LCMT1: variants seen among roughly 807,000 people sequenced by gnomAD.
The protein encoded by LCMT1 is leucine carboxyl methyltransferase 1.
Under a neutral mutation model 47.7 loss-of-function variants are expected in LCMT1, and 32 were observed. The ratio of observed to expected loss-of-function variants is 0.67; its 90% CI spans 0.51 to 0.90. LCMT1 has a LOEUF of 0.90. Among genes scored for constraint, LCMT1 ranks in the 40% least tolerant of loss-of-function variants. LCMT1 has a pLI of 0.00. For synonymous variants in LCMT1, 152 were observed against 149.7 expected (o/e 1.02, Z -0.11); for missense variants, 375 against 415.2 (o/e 0.90, Z 0.84).
intron 1 of LCMT1, among the ~76,000 whole-genome samples, chr16:25,121,421 A>C (rs1332365672): frequency 6.6e-6 from 1 of 152,172 alleles, no homozygotes; most frequent in African/African-American, 2.4e-5. Flanking sequence ...AAGAAAAAGA[A>C]AAAGATATCA....
At chr16:25,176,407 T>C (rs1961940082) in intron 10 of LCMT1, among the ~76,000 whole-genome samples, 1 of 152,078 alleles carries the variant, frequency 6.6e-6, no homozygotes, top group Non-Finnish European at 1.5e-5. Flanking sequence ...CCATTCCCTA[T>C]GCAAAAATTC....
intron 9 of LCMT1, 95 bp downstream of exon 9, chr16:25,170,900 G>A: frequency 6.1e-6 from 5 of 824,938 alleles, no homozygotes; most frequent in Non-Finnish European, 9.6e-6. Flanking sequence ...AGAACAATAT[G>A]TGGAGATTTC....
At chr16:25,153,006 T>A (rs1415852831) in intron 5 of LCMT1, among the ~76,000 whole-genome samples, 1 of 152,050 alleles carries the variant, frequency 6.6e-6, no homozygotes, top group African/African-American at 2.4e-5. Flanking sequence ...CCTTCACCAG[T>A]AGTCAGCACA....
intron 3 of LCMT1, among the ~76,000 whole-genome samples, chr16:25,139,517 G>GA (rs997940088): frequency 4.0e-4 from 58 of 145,712 alleles, no homozygotes; most frequent in African/African-American, 1.2e-3. Context: ...CTCAAAAAAA[G>GA]AAAAAAAAAA....
rs750991801 is a variant in LCMT1 at position 25,123,223 on chromosome 16, C to CTTT, written c.114-5235_114-5233dup. 4.3e-3 allele frequency among the ~76,000 whole-genome samples: 503 copies of CTTT among 116,164 alleles called. 15 individuals carry two copies. The highest frequency in any genetic ancestry group is 0.011 in the African/African-American group (340 of 30,276). The allele number at this position is 116,164 out of a possible 152,430, so 76.2% of individuals were successfully genotyped here. A position where few individuals can be genotyped will look rare whatever the true frequency, so the allele number is the denominator to read the frequency against. On this transcript the variant is annotated intron_variant, in intron 1 of 10. Coordinates refer to ENST00000399069, the MANE Select transcript of LCMT1 (RefSeq NM_016309.3). ...ACAACACTTGTATTATATATAACTT[C>CTTT]TTTTTTTTTTTTTTTTTTTGTGACA...
intron 7 of LCMT1, among the ~76,000 whole-genome samples, chr16:25,166,639 T>C (rs1961600070): frequency 6.6e-6 from 1 of 152,110 alleles, no homozygotes; most frequent in Non-Finnish European, 1.5e-5. Context: ...TTTTTAAATC[T>C]CCTTTTCTTT....
rs376258035 is a variant in LCMT1, at chr16:25,166,319, T to C, written c.690+1601T>C. Among the ~76,000 whole-genome samples, 8 of 151,656 alleles carry C rather than the reference T, an allele frequency of 5.3e-5. No individual in the cohort carries two copies. The East Asian group carries it at 1.2e-3, about 22-fold the overall frequency. ...GAAATACCCACTCTCCAGATTATTA[T>C]GGGGATTCCTGAGATGATGGTCAGT... On this transcript the variant is annotated intron_variant, in intron 7 of 10. Coordinates refer to ENST00000399069, the MANE Select transcript of LCMT1 (RefSeq NM_016309.3).
intron 5 of LCMT1, 117 bp downstream of exon 5, chr16:25,151,732 CAATGTA>C: frequency 1.3e-5 from 3 of 227,956 alleles, no homozygotes; most frequent in South Asian, 1.9e-4. Context: ...TGGTGTTATA[CAATGTA>C]TTGTCAACTG....
At chr16:25,155,578 G>C (rs1167970035) in intron 5 of LCMT1, among the ~76,000 whole-genome samples, 1 of 151,882 alleles carries the variant, frequency 6.6e-6, no homozygotes, top group African/African-American at 2.4e-5. Context: ...ATTGGGTTCT[G>C]TTACCTCCTT....
At chr16:25,130,156 C>T (rs1018137751) in intron 2 of LCMT1, among the ~76,000 whole-genome samples, 10 of 151,792 alleles carry the variant, frequency 6.6e-5, no homozygotes, top group African/African-American at 2.2e-4. Flanking sequence ...CTGGCTAACA[C>T]GGTGAAACCC....
chr16:25,177,873 A>G lies in LCMT1; in HGVS notation c.983-128A>G, dbSNP rs1185419179. The G allele has an allele frequency of 9.1e-6, 7 of 765,268 alleles. No individual in the cohort carries two copies. In the East Asian group the frequency reaches 9.9e-5, roughly 11 times the overall value. The allele number at this position is 765,268 out of a possible 1,614,324, so 47.4% of individuals were successfully genotyped here. On this transcript the variant is annotated intron_variant, in intron 10 of 10. Transcript: ENST00000399069. ...CTTGCGAAACCTCATTTTATGTAGC[A>G]GGAGGGCGGTGCTACAGTGGTCAGC...
intron 3 of LCMT1, among the ~76,000 whole-genome samples, chr16:25,138,964 G>A (rs1011465955): frequency 6.6e-5 from 10 of 151,474 alleles, no homozygotes; most frequent in Non-Finnish European, 1.2e-4. Flanking sequence ...TCTTTGAGAC[G>A]GAGTCTCGCT....
chr16:25,169,883 A>G (rs1427833948), intron 8 of LCMT1, among the ~76,000 whole-genome samples: 3 of 151,804 alleles, frequency 2.0e-5, no homozygotes, highest in Admixed American at 2.0e-4. Flanking sequence ...AAAGTCATCT[A>G]TTTTTTCTCA....
At position 25,117,669 on chromosome 16, in the gene LCMT1, A is replaced by C. The variant is rs150279686; in HGVS notation, c.113+5673A>C. ...GAAGTTTGAGACCAACCTGGCCAACATGGTGAAACCCCATCTCTACTAAAA... is the reference window on the plus strand; with the variant it reads ...GAAGTTTGAGACCAACCTGGCCAACCTGGTGAAACCCCATCTCTACTAAAA... On this transcript the variant is annotated intron_variant, in intron 1 of 10. Transcript: ENST00000399069. 5.4e-3 allele frequency among the ~76,000 whole-genome samples: 819 copies of C among 152,242 alleles called. 8 individuals are homozygous for C. The highest frequency in any genetic ancestry group is 0.019 in the African/African-American group (793 of 41,528).
chr16:25,145,111 TGTG>T (rs1342888360), intron 4 of LCMT1: 1 of 152,218 alleles, frequency 6.6e-6, no homozygotes, highest in Admixed American at 6.5e-5. Flanking sequence ...CCTTTTTGTT[TGTG>T]GGACCAGCAA....
intron 4 of LCMT1, among the ~76,000 whole-genome samples, chr16:25,151,007 A>G (rs1961062631): frequency 6.6e-6 from 1 of 152,254 alleles, no homozygotes; most frequent in Non-Finnish European, 1.5e-5. Context: ...GGGGACAGAA[A>G]GTGTGTTGGT....
At chr16:25,137,709 G>T (rs544579818) in intron 3 of LCMT1, among the ~76,000 whole-genome samples, 1 of 152,216 alleles carries the variant, frequency 6.6e-6, no homozygotes, top group East Asian at 1.9e-4. Context: ...CTCCCAAAGT[G>T]CTGGGATTAC....
chr16:25,135,297 A>ATATATG (rs1567313905), intron 3 of LCMT1, among the ~76,000 whole-genome samples: 1 of 149,938 alleles, frequency 6.7e-6, no homozygotes, highest in African/African-American at 2.5e-5. Flanking sequence ...ATATATCTAT[A>ATATATG]TATATATATA....
intron 10 of LCMT1, among the ~76,000 whole-genome samples, chr16:25,177,221 A>C (rs1372281292): frequency 6.6e-6 from 1 of 151,996 alleles, no homozygotes; most frequent in Non-Finnish European, 1.5e-5. Flanking sequence ...TTTGTATGTT[A>C]TCCTCCTCTT....
Sources: gnomAD v4.1 joint callset for allele counts (sites outside exome capture counted in the v4.1 genomes callset) on GRCh38, gnomAD v4.1.1 for gene constraint, MANE v1.5 for transcripts, NCBI Gene and HGNC (gene_info 2026-07-23, HGNC 2026-07-21) for gene names.